NRL: variants seen among roughly 807,000 people sequenced by gnomAD.
The protein encoded by NRL is neural retina-specific leucine zipper protein.
A neutral mutation model predicts 12.5 loss-of-function variants in NRL; 16 were observed. That is an observed-to-expected ratio of 1.28 (90% CI 0.87 to 1.95). The LOEUF (loss-of-function observed/expected upper bound fraction) is 1.95, where lower values mean the gene tolerates loss of function less well. Ranked by LOEUF, NRL falls within the 30% of genes most tolerant of loss-of-function variation. NRL has a pLI of 0.00. For synonymous variants in NRL, 142 were observed against 150.9 expected (o/e 0.94, Z 0.43); for missense variants, 314 against 325.8 (o/e 0.96, Z 0.28).
At chr14:24,111,374 T>C (rs2037416672) in intron 1 of NRL, among the ~76,000 whole-genome samples, 1 of 152,032 alleles carries the variant, frequency 6.6e-6, no homozygotes, top group African/African-American at 2.4e-5. Context: ...GGTTGGTTGA[T>C]TGTTTTTTGT....
Position 24,081,155 on chromosome 14 carries a change from G to T in NRL, c.*81C>A. On this transcript the variant is annotated 3_prime_UTR_variant, in exon 3 of 3. Transcript: ENST00000561028. This position sits in a 1 kb window ranked among gnomAD's most constrained non-coding sequence, Gnocchi z 4.4. Reference sequence around the variant, plus strand: ...TAGGACCAGAAGGCGCTCTGGTAACGATGCAGAGAACCGTGCAGCCGCCTC... The same window carrying T: ...TAGGACCAGAAGGCGCTCTGGTAACTATGCAGAGAACCGTGCAGCCGCCTC... The T allele has an allele frequency of 2.0e-6, 2 of 1,014,614 alleles. No individual in the cohort carries two copies. Among genetic ancestry groups the T allele is most frequent in the South Asian group, 6.8e-5 (2 of 29,532 alleles). 62.9% of individuals were successfully genotyped at this position (1,014,614 alleles called of 1,614,324 possible).
chr14:24,082,832 CT>C lies in NRL; in HGVS notation c.16del (p.Ser6AlafsTer13), dbSNP rs759747780. On this transcript the variant is annotated frameshift_variant, in exon 2 of 3. Coordinates refer to ENST00000561028, the MANE Select transcript of NRL (RefSeq NM_001354768.3). LOFTEE classifies it high-confidence loss of function. Reference sequence around the variant, plus strand: ...ATTGACATATTCCATGGCCAGGGGGCTGGGGGGCAGGGCCATTCTGGAGCTG... The same window carrying C: ...ATTGACATATTCCATGGCCAGGGGGCGGGGGGCAGGGCCATTCTGGAGCTG... MALPP[S>X]PLAMEYVNDF... The C allele has an allele frequency of 2.6e-5, 42 of 1,612,940 alleles. No individual in the cohort carries two copies. Among genetic ancestry groups the C allele is most frequent in the Non-Finnish European group, 3.4e-5 (40 of 1,179,318 alleles).
Position 24,081,595 on chromosome 14 carries a change from G to C in NRL, c.382-27C>G. The C allele has an allele frequency of 6.4e-7, 1 of 1,568,192 alleles. No individual in the cohort carries two copies. Among genetic ancestry groups the C allele is most frequent in the Non-Finnish European group, 8.6e-7 (1 of 1,158,136 alleles). ...TGCGGAGGGAGAATGCAGAAACCGGGTCAGCGCCAGGTCGCACCCGGCTCT... is the reference window on the plus strand; with the variant it reads ...TGCGGAGGGAGAATGCAGAAACCGGCTCAGCGCCAGGTCGCACCCGGCTCT... On this transcript the variant is annotated intron_variant, in intron 2 of 2. Transcript: ENST00000561028. This position sits in a 1 kb window ranked among gnomAD's most constrained non-coding sequence, Gnocchi z 4.4.
rs764171541 is a variant in NRL, at chr14:24,095,258, T to TG, written c.-27-12384dup. 1.8e-5 allele frequency: 8 copies of TG among 455,228 alleles called. 1 individual carries two copies. Among genetic ancestry groups the TG allele is most frequent in the South Asian group, 1.2e-4 (8 of 64,524 alleles). The allele number at this position is 455,228 out of a possible 1,614,324, so 28.2% of individuals were successfully genotyped here. ...CCACTTAGAGGGCTGCAAGAGGGTG[T>TG]GGGGGCTTCACAAGAGATAACGTGA... On this transcript the variant is annotated intron_variant, in intron 1 of 2. Transcript: ENST00000561028.
At chr14:24,091,296 G>A (rs113378352) in intron 1 of NRL, among the ~76,000 whole-genome samples, 11 of 152,220 alleles carry the variant, frequency 7.2e-5, no homozygotes, top group South Asian at 2.1e-4. Flanking sequence ...GACTACCGGC[G>A]TGCGCCACCA....
Position 24,094,977 on chromosome 14 carries a change from G to T in NRL, c.-27-12102C>A, listed in dbSNP as rs565018766. On this transcript the variant is annotated intron_variant, in intron 1 of 2. Transcript: ENST00000561028. This position sits in a 1 kb window ranked among gnomAD's most constrained non-coding sequence, Gnocchi z 4.1. Reference sequence around the variant, plus strand: ...AGTCCAGAGCAGCCCGAGGGACCTGGGCCCAGGGGAGGGAGGCAAGCAAGG... The same window carrying T: ...AGTCCAGAGCAGCCCGAGGGACCTGTGCCCAGGGGAGGGAGGCAAGCAAGG... 266 of 704,288 alleles carry T rather than the reference G, an allele frequency of 3.8e-4. 1 individual carries two copies. In the African/African-American group the frequency reaches 4.5e-3, roughly 12 times the overall value. The allele number at this position is 704,288 out of a possible 1,614,324, so 43.6% of individuals were successfully genotyped here. A position where few individuals can be genotyped will look rare whatever the true frequency, so the allele number is the denominator to read the frequency against.
chr14:24,080,224 A>C lies in NRL; in HGVS notation c.*1012T>G, dbSNP rs2036238386. The stretch of plus-strand genomic sequence containing the variant: ...TCTCTCAGCAAATTGTCATCCCAGG[A>C]GAAGTCTCACCTCAGCCCTCAGAGA... On this transcript the variant is annotated 3_prime_UTR_variant, in exon 3 of 3. Transcript: ENST00000561028. 2 of 152,236 alleles carry C rather than the reference A, an allele frequency of 1.3e-5. No homozygotes were observed. Among genetic ancestry groups the C allele is most frequent in the Non-Finnish European group, 2.9e-5 (2 of 68,038 alleles). 9.4% of individuals were successfully genotyped at this position (152,236 alleles called of 1,614,324 possible). A position where few individuals can be genotyped will look rare whatever the true frequency, so the allele number is the denominator to read the frequency against.
Position 24,081,956 on chromosome 14 carries a change from C to T in NRL, c.382-388G>A. 1 of 1,233,324 alleles carries T rather than the reference C, an allele frequency of 8.1e-7. No homozygotes were observed. 76.4% of individuals were successfully genotyped at this position (1,233,324 alleles called of 1,614,324 possible). ...CGCGCTGCGTTTCCCTGTCCTGAAG[C>T]CTGCAACCCGGTGACCCTCACAGGA... On this transcript the variant is annotated intron_variant, in intron 2 of 2. Transcript: ENST00000561028. This position sits in a 1 kb window ranked among gnomAD's most constrained non-coding sequence, Gnocchi z 4.4.
In NRL at chr14:24,092,909, T is replaced by C. The variant is rs117252708; in HGVS notation, c.-27-10034A>G. 3.8e-3 allele frequency among the ~76,000 whole-genome samples: 576 copies of C among 152,370 alleles called. 5 individuals are homozygous for C. Among genetic ancestry groups the C allele is most frequent in the African/African-American group, 0.013 (551 of 41,592 alleles). ...CTGGCTTCTGTCTCAGCCAGGTTCCTGCTTTGCAGTGCCAAGCTAACACTC... is the reference window on the plus strand; with the variant it reads ...CTGGCTTCTGTCTCAGCCAGGTTCCCGCTTTGCAGTGCCAAGCTAACACTC... On this transcript the variant is annotated intron_variant, in intron 1 of 2. Coordinates refer to ENST00000561028, the MANE Select transcript of NRL (RefSeq NM_001354768.3).
chr14:24,092,690 G>A (rs1318617086), intron 1 of NRL, among the ~76,000 whole-genome samples: 2 of 152,228 alleles, frequency 1.3e-5, no homozygotes, highest in Non-Finnish European at 2.9e-5. Flanking sequence ...CAAGCCCGTG[G>A]CTGGAGACCA....
At position 24,094,415 on chromosome 14, in the gene NRL, T is replaced by C. The variant is rs1270151846; in HGVS notation, c.-27-11540A>G. The C allele has an allele frequency of 3.2e-6, 5 of 1,561,370 alleles. No individual in the cohort carries two copies. Among genetic ancestry groups the C allele is most frequent in the Non-Finnish European group, 4.3e-6 (5 of 1,158,048 alleles). On this transcript the variant is annotated intron_variant, in intron 1 of 2. Transcript: ENST00000561028. This position sits in a 1 kb window ranked among gnomAD's most constrained non-coding sequence, Gnocchi z 4.1. ...CCCCTGCCCAGGTGCCATGGCCGCA[T>C]TGTACCGCCCTGGCCTGCGGTGAGT...
At chr14:24,103,045 GA>G in intron 1 of NRL, 1 of 1,198,250 alleles carries the variant, frequency 8.3e-7, no homozygotes, top group Non-Finnish European at 1.2e-6. Context: ...CAAAGGGTCT[GA>G]AAATGGGATA....
chr14:24,105,370 T>TGGCCAGATTTTGGG (rs2037321377), intron 1 of NRL, among the ~76,000 whole-genome samples: 2 of 152,380 alleles, frequency 1.3e-5, no homozygotes, highest in South Asian at 4.1e-4. Flanking sequence ...ATTTTGCTTA[T>TGGCCAGATTTTGGG]GGCCAGTTTT....
chr14:24,090,267 G>GGC (rs1170341463), intron 1 of NRL, among the ~76,000 whole-genome samples: 367 of 3,596 alleles, frequency 0.1, 17 homozygotes, highest in East Asian at 0.34. Flanking sequence ...GGTTTACTCG[G>GGC]GGGGGGGGGG....
intron 1 of NRL, among the ~76,000 whole-genome samples, chr14:24,101,129 G>GC (rs2037145082): frequency 6.6e-6 from 1 of 152,056 alleles, no homozygotes; most frequent in Non-Finnish European, 1.5e-5. Context: ...GCCCCCCTCA[G>GC]CCTTCCCACC....
At position 24,106,500 on chromosome 14, in the gene NRL, C is replaced by G. The variant is rs577574285; in HGVS notation, c.-28+8222G>C. 7.2e-5 allele frequency among the ~76,000 whole-genome samples: 11 copies of G among 152,284 alleles called. No individual in the cohort carries two copies. The East Asian group carries it at 2.1e-3, about 29-fold the overall frequency. On this transcript the variant is annotated intron_variant, in intron 1 of 2. Coordinates refer to ENST00000561028, the MANE Select transcript of NRL (RefSeq NM_001354768.3). ...CTTTGGGAGGCCGAGGTGGGCAGAT[C>G]ACCTGAGGTCAGCAGTTTGAGACCA...
chr14:24,094,786 A>C lies in NRL; in HGVS notation c.-27-11911T>G. 5.9e-6 allele frequency: 8 copies of C among 1,366,876 alleles called. No homozygotes were observed. Among genetic ancestry groups the C allele is most frequent in the Non-Finnish European group, 3.8e-6 (4 of 1,039,248 alleles). 84.7% of individuals were successfully genotyped at this position (1,366,876 alleles called of 1,614,324 possible). A position where few individuals can be genotyped will look rare whatever the true frequency, so the allele number is the denominator to read the frequency against. ...CCCAGATACCTCCCTCGGACCTCTA[A>C]CGGGCTCTCAGCCAGCGCCCCAGGG... On this transcript the variant is annotated intron_variant, in intron 1 of 2. Coordinates refer to ENST00000561028, the MANE Select transcript of NRL (RefSeq NM_001354768.3). This position sits in a 1 kb window ranked among gnomAD's most constrained non-coding sequence, Gnocchi z 4.1.
chr14:24,088,361 G>C (rs972463648), intron 1 of NRL, among the ~76,000 whole-genome samples: 1 of 152,258 alleles, frequency 6.6e-6, no homozygotes. Flanking sequence ...AGGAGACTGT[G>C]GACAGACTTG....
chr14:24,099,179 C>T, intron 1 of NRL: 5 of 1,608,092 alleles, frequency 3.1e-6, no homozygotes, highest in Non-Finnish European at 3.4e-6. Flanking sequence ...AGTGCTTTGC[C>T]CTACGCATCG....
Sources: allele counts gnomAD v4.1 joint callset (sites outside exome capture counted in the v4.1 genomes callset), GRCh38; gene constraint gnomAD v4.1.1; non-coding constraint Gnocchi (gnomAD v3.1); transcripts MANE v1.5; gene names NCBI Gene and HGNC (gene_info 2026-07-23, HGNC 2026-07-21).